Variants in FZR1 observed in about 807,000 individuals in gnomAD.
FZR1 encodes the protein fizzy-related protein homolog.
FZR1 carries 11 observed loss-of-function variants against 63.6 expected under a neutral mutation model. The ratio of observed to expected loss-of-function variants is 0.17; its 90% confidence interval spans 0.11 to 0.29. FZR1 has a LOEUF of 0.29. FZR1 is among the 10% of genes least tolerant of loss of function. FZR1 has a pLI of 1.00. For missense variants in FZR1, 440 were observed against 687.5 expected (o/e 0.64, Z 4.03); for synonymous variants, 328 against 297.9 (o/e 1.10, Z -1.04).
At chr19:3,528,976 A>G (rs2083195756) in intron 7 of FZR1, among the ~76,000 whole-genome samples, 1 of 144,050 alleles carries the variant, frequency 6.9e-6, no homozygotes, top group African/African-American at 2.6e-5. Flanking sequence ...GGGAGAGCAG[A>G]TGGTTGAGCG....
In FZR1 at chr19:3,529,080, G is replaced by A. The variant is rs72976613; in HGVS notation, c.654+1266G>A. On this transcript the variant is annotated intron_variant, in intron 7 of 13. Transcript: ENST00000441788. Reference sequence around the variant, plus strand: ...CGGATGCTTGAGCGGATGGGAGAGCGGATGGGAGAGCAGACGGTTGAGCGG... The same window carrying A: ...CGGATGCTTGAGCGGATGGGAGAGCAGATGGGAGAGCAGACGGTTGAGCGG... Among the ~76,000 whole-genome samples the A allele has an allele frequency of 2.0e-3, 268 of 135,700 alleles. 1 individual carries two copies. The highest frequency in any genetic ancestry group is 3.1e-3 in the Non-Finnish European group (204 of 66,764). The allele number at this position is 135,700 out of a possible 152,430, so 89.0% of individuals were successfully genotyped here. A position where few individuals can be genotyped will look rare whatever the true frequency, so the allele number is the denominator to read the frequency against.
intron 1 of FZR1, among the ~76,000 whole-genome samples, chr19:3,521,604 C>T (rs902102814): frequency 5.9e-5 from 9 of 151,902 alleles, no homozygotes; most frequent in South Asian, 2.1e-4. Flanking sequence ...CGGGTTCAAG[C>T]GCTCCTCCTG....
chr19:3,520,022 C>T (rs1031085763), intron 1 of FZR1, among the ~76,000 whole-genome samples: 3 of 152,114 alleles, frequency 2.0e-5, no homozygotes, highest in Non-Finnish European at 2.9e-5. Flanking sequence ...AAATCAGTCC[C>T]GGGGGGCCCC....
chr19:3,525,342 T>TG lies in FZR1; in HGVS notation c.70-523dup, dbSNP rs1314146792. ...AGCGTTGGGAGGCTGAGCCTGCCCG[T>TG]GGGCCTGGCATCTCCCGGAGGCTTC... On this transcript the variant is annotated intron_variant, in intron 2 of 13. Transcript: ENST00000441788. The surrounding 1 kb of genome is among the most constrained non-coding windows in gnomAD (Gnocchi z 4.2). Among the ~76,000 whole-genome samples, 1 of 149,514 alleles carries TG rather than the reference T, an allele frequency of 6.7e-6. No homozygotes were observed. The highest frequency in any genetic ancestry group is 1.5e-5 in the Non-Finnish European group (1 of 67,564).
Position 3,507,605 on chromosome 19 carries a change from G to A in FZR1, c.-35+1131G>A, listed in dbSNP as rs563496265. ...GTGAGGCCCCCACCCCAACCTATGT[G>A]CTTTGAAGGAGGGTGATTTACCTAA... On this transcript the variant is annotated intron_variant, in intron 1 of 13. Coordinates refer to ENST00000441788, the MANE Select transcript of FZR1 (RefSeq NM_016263.4). Among the ~76,000 whole-genome samples the A allele has an allele frequency of 3.3e-5, 5 of 152,242 alleles. No individual in the cohort carries two copies. The East Asian group carries it at 9.7e-4, about 29-fold the overall frequency.
chr19:3,523,460 G>A lies in FZR1; in HGVS notation c.69+402G>A, dbSNP rs148911719. On this transcript the variant is annotated intron_variant, in intron 2 of 13. Coordinates refer to ENST00000441788, the MANE Select transcript of FZR1 (RefSeq NM_016263.4). ...TCCACCCTGCCTCCCCAGCCCAGCC[G>A]TGTTTGCCTTGCCCTGGGCTCCAGG... 8.5e-5 allele frequency among the ~76,000 whole-genome samples: 13 copies of A among 152,310 alleles called. No homozygotes were observed. In the East Asian group the frequency reaches 1.7e-3, roughly 20 times the overall value.
chr19:3,516,991 G>A lies in FZR1; in HGVS notation c.-34-5965G>A, dbSNP rs1005354539. 2.0e-5 allele frequency among the ~76,000 whole-genome samples: 3 copies of A among 152,374 alleles called. No individual in the cohort carries two copies. In the South Asian group the frequency reaches 6.2e-4, roughly 32 times the overall value. ...CAGCATCAGTGTTCTGGGGAAGTGG[G>A]GGATGATATTTTAGCCAATCACAAC... On this transcript the variant is annotated intron_variant, in intron 1 of 13. Coordinates refer to ENST00000441788, the MANE Select transcript of FZR1 (RefSeq NM_016263.4). This position sits in a 1 kb window ranked among gnomAD's most constrained non-coding sequence, Gnocchi z 6.0.
chr19:3,523,533 C>T (rs1045944009), intron 2 of FZR1, among the ~76,000 whole-genome samples: 4 of 152,230 alleles, frequency 2.6e-5, no homozygotes, highest in Admixed American at 2.0e-4. Context: ...TGCTGTGTGA[C>T]AGCCACATCC....
chr19:3,536,931 C>A lies in FZR1; in HGVS notation c.*2095C>A, dbSNP rs1319355924. 2 of 152,266 alleles carry A rather than the reference C, an allele frequency of 1.3e-5. No homozygotes were observed. The highest frequency in any genetic ancestry group is 3.9e-4 in the East Asian group (2 of 5,184). 9.4% of individuals were successfully genotyped at this position (152,266 alleles called of 1,614,324 possible). On this transcript the variant is annotated 3_prime_UTR_variant, in exon 14 of 14. Coordinates refer to ENST00000441788, the MANE Select transcript of FZR1 (RefSeq NM_016263.4). ...CCGCAGAGACGCCTCCCAGGCCCGT[C>A]TGCCAGGGCGCCGGCCACAATCCTG...
At position 3,526,852 on chromosome 19, in the gene FZR1, C is replaced by T. The variant is rs2083163748; in HGVS notation, c.388-128C>T. On this transcript the variant is annotated intron_variant, in intron 5 of 13. Transcript: ENST00000441788. This position sits in a 1 kb window ranked among gnomAD's most constrained non-coding sequence, Gnocchi z 5.4. ...CAGGAAGGCGCCTGCCTTTTTACAG[C>T]TGCTCCACACAGGGTCTCAGCACCT... is the stretch of plus-strand genomic sequence containing the variant. 1.2e-5 allele frequency: 8 copies of T among 683,970 alleles called. No individual in the cohort carries two copies. Among genetic ancestry groups the T allele is most frequent in the Admixed American group, 2.4e-5 (1 of 42,052 alleles). The allele number at this position is 683,970 out of a possible 1,614,324, so 42.4% of individuals were successfully genotyped here.
intron 6 of FZR1, 101 bp from the exon 7 acceptor site, chr19:3,527,530 C>G (rs2083172653): frequency 1.1e-6 from 1 of 895,022 alleles, no homozygotes; most frequent in Admixed American, 2.3e-5. Flanking sequence ...AGGGGCCGGA[C>G]TGGGCTCCTG....
chr19:3,534,995 C>A lies in FZR1; in HGVS notation c.*159C>A, dbSNP rs1322446338. ...GAGGATCCTGGAGTCTCATTAAATGCCTGATTGTGAACCATGTCCACCAGT... is the reference window on the plus strand; with the variant it reads ...GAGGATCCTGGAGTCTCATTAAATGACTGATTGTGAACCATGTCCACCAGT... On this transcript the variant is annotated 3_prime_UTR_variant, in exon 14 of 14. Coordinates refer to ENST00000441788, the MANE Select transcript of FZR1 (RefSeq NM_016263.4). 9.3e-6 allele frequency: 6 copies of A among 644,394 alleles called. No individual in the cohort carries two copies. The highest frequency in any genetic ancestry group is 1.4e-5 in the Non-Finnish European group (5 of 359,098). 39.9% of individuals were successfully genotyped at this position (644,394 alleles called of 1,614,324 possible).
chr19:3,520,773 A>G (rs898051458), intron 1 of FZR1, among the ~76,000 whole-genome samples: 2 of 152,224 alleles, frequency 1.3e-5, no homozygotes, highest in African/African-American at 4.8e-5. Context: ...GGAGGTGGCA[A>G]TCAGGCCAAC....
intron 1 of FZR1, among the ~76,000 whole-genome samples, chr19:3,521,521 A>G (rs2083101475): frequency 6.7e-6 from 1 of 148,806 alleles, no homozygotes. Flanking sequence ...TTTTTTTTTG[A>G]GACAGAGTCC....
In FZR1 at chr19:3,535,152, C is replaced by A. The variant is rs1453046998; in HGVS notation, c.*316C>A. ...CAGAGCGACGGATGCCCCCTGGGAC[C>A]CTCACTGCCTCCGTCTGTTCATCAC... On this transcript the variant is annotated 3_prime_UTR_variant, in exon 14 of 14. Transcript: ENST00000441788. 1 of 429,174 alleles carries A rather than the reference C, an allele frequency of 2.3e-6. No homozygotes were observed. The highest frequency in any genetic ancestry group is 4.3e-6 in the Non-Finnish European group (1 of 232,398). The allele number at this position is 429,174 out of a possible 1,614,324, so 26.6% of individuals were successfully genotyped here.
At chr19:3,506,700 C>A (rs1040845979) in intron 1 of FZR1, among the ~76,000 whole-genome samples, 3 of 151,710 alleles carry the variant, frequency 2.0e-5, no homozygotes, top group African/African-American at 4.8e-5. Context: ...GCGTCCCCCC[C>A]ACGTCGGGGC....
Position 3,535,085 on chromosome 19 carries a change from C to G in FZR1, c.*249C>G. 1 of 567,734 alleles carries G rather than the reference C, an allele frequency of 1.8e-6. No homozygotes were observed. Among genetic ancestry groups the G allele is most frequent in the Non-Finnish European group, 3.2e-6 (1 of 317,064 alleles). The allele number at this position is 567,734 out of a possible 1,614,324, so 35.2% of individuals were successfully genotyped here. On this transcript the variant is annotated 3_prime_UTR_variant, in exon 14 of 14. Transcript: ENST00000441788. ...GGGCTCTGTCTCCCTTCCCAAAGGG[C>G]GAGAACCACATTGGACGGTCCCGGC...
Position 3,525,435 on chromosome 19 carries a change from T to TTTTC in FZR1, c.70-430_70-429insCTTT, listed in dbSNP as rs956519720. 5.2e-5 allele frequency among the ~76,000 whole-genome samples: 6 copies of TTTTC among 116,472 alleles called. No individual in the cohort carries two copies. The highest frequency in any genetic ancestry group is 2.2e-4 in the African/African-American group (5 of 22,594). 76.4% of individuals were successfully genotyped at this position (116,472 alleles called of 152,430 possible). On this transcript the variant is annotated intron_variant, in intron 2 of 13. Coordinates refer to ENST00000441788, the MANE Select transcript of FZR1 (RefSeq NM_016263.4). The surrounding 1 kb of genome is among the most constrained non-coding windows in gnomAD (Gnocchi z 4.2). ...GTGGCTCCCCTCCTTGGGTTTTCTT[T>TTTTC]TTTTTTTTTTTTTTTTTTTTTTTTT...
In FZR1 at chr19:3,516,254, G is replaced by A. The variant is rs748758532; in HGVS notation, c.-34-6702G>A. On this transcript the variant is annotated intron_variant, in intron 1 of 13. Coordinates refer to ENST00000441788, the MANE Select transcript of FZR1 (RefSeq NM_016263.4). The surrounding 1 kb of genome is among the most constrained non-coding windows in gnomAD (Gnocchi z 6.0). Reference sequence around the variant, plus strand: ...AGCCTCCCCCACCGTCTGACGGGCGGGAGGGTGGTGTCCTCGGTTGGATTG... The same window carrying A: ...AGCCTCCCCCACCGTCTGACGGGCGAGAGGGTGGTGTCCTCGGTTGGATTG... Among the ~76,000 whole-genome samples, 1 of 152,214 alleles carries A rather than the reference G, an allele frequency of 6.6e-6. No individual in the cohort carries two copies. Among genetic ancestry groups the A allele is most frequent in the Non-Finnish European group, 1.5e-5 (1 of 68,038 alleles).
Sources: allele counts gnomAD v4.1 joint callset (sites outside exome capture counted in the v4.1 genomes callset), GRCh38; gene constraint gnomAD v4.1.1; non-coding constraint Gnocchi (gnomAD v3.1); transcripts MANE v1.5; gene names NCBI Gene and HGNC (gene_info 2026-07-23, HGNC 2026-07-21).